ANKRD36C: variants seen among roughly 807,000 people sequenced by gnomAD.
The protein encoded by ANKRD36C is ankyrin repeat domain 36C, also known as ankyrin repeat domain-containing protein 36C.
ANKRD36C carries 61 observed loss-of-function variants against 276.4 expected under a neutral mutation model. The ratio of observed to expected loss-of-function variants is 0.22; its 90% CI spans 0.18 to 0.27. The LOEUF is 0.27. Ranked by LOEUF, ANKRD36C falls within the 10% of genes least tolerant of loss-of-function variation. ANKRD36C has a pLI of 1.00. For synonymous variants in ANKRD36C, 483 were observed against 680.1 expected (o/e 0.71, Z 4.51); for missense variants, 1,447 against 2,032.3 (o/e 0.71, Z 5.54).
chr2:95,928,964 T>C, intron 26 of ANKRD36C, 108 bp downstream of exon 26: 1 of 1,531,808 alleles, frequency 6.5e-7, no homozygotes, highest in Non-Finnish European at 8.8e-7. Flanking sequence ...TCAGGCATAC[T>C]GAATCAGAAC....
intron 60 of ANKRD36C, among the ~76,000 whole-genome samples, chr2:95,867,033 C>T (rs1373502524): frequency 1.3e-5 from 2 of 152,110 alleles, no homozygotes; most frequent in Admixed American, 6.6e-5. Context: ...AAGCAGGTAA[C>T]ATGATCAGGT....
chr2:95,987,203 G>T (rs942548316), exon 2 of ANKRD36C: 1 of 1,542,056 alleles, frequency 6.5e-7, no homozygotes, highest in East Asian at 2.4e-5. Context: ...AATGTAGGGC[G>T]GTCCTGTGAG....
intron 3 of ANKRD36C, among the ~76,000 whole-genome samples, chr2:95,983,762 G>A (rs1403757347): frequency 1.3e-5 from 2 of 151,454 alleles, no homozygotes; most frequent in African/African-American, 4.9e-5. Context: ...GACTACAGGC[G>A]TGTGCCACCA....
chr2:95,951,502 A>G, intron 14 of ANKRD36C, 94 bp from the exon 15 acceptor site: 1 of 964,282 alleles, frequency 1.0e-6, no homozygotes, highest in Non-Finnish European at 1.5e-6. Flanking sequence ...CAGGAAAAGT[A>G]TGGACATTGA....
At chr2:95,964,005 ATATATATATGTGTGTG>A (rs1171448629) in intron 6 of ANKRD36C, among the ~76,000 whole-genome samples, 16 of 37,450 alleles carry the variant, frequency 4.3e-4, no homozygotes, top group Middle Eastern at 8.1e-3. Context: ...ATATATATAT[ATATATATATGTGTGTG>A]TGTGTCATGA....
At chr2:95,874,426 G>A (rs1014112503) in intron 59 of ANKRD36C, among the ~76,000 whole-genome samples, 20 of 152,134 alleles carry the variant, frequency 1.3e-4, no homozygotes, top group Non-Finnish European at 1.3e-4. Context: ...CAAGCAACGG[G>A]GAAAGGATTC....
chr2:95,912,188 G>C (rs961354357), intron 42 of ANKRD36C, 56 bp downstream of exon 44: 2 of 1,537,928 alleles, frequency 1.3e-6, no homozygotes, highest in African/African-American at 2.8e-5. Flanking sequence ...TTTATTCGGG[G>C]AAGAGAACTT....
In ANKRD36C at chr2:95,902,879, A is replaced by G; in HGVS notation, c.2654-3543T>C. On this transcript the variant is annotated intron_variant, in intron 42 of 66. Coordinates refer to ENST00000456556, the Ensembl canonical transcript of ANKRD36C. ...GAACATGACATTAAATCTCTTTTCA[A>G]AATTACCTCTCCTAGTTTTTTCTCC... is the stretch of plus-strand genomic sequence containing the variant. 1 of 1,567,476 alleles carries G rather than the reference A, an allele frequency of 6.4e-7. No individual in the cohort carries two copies. The highest frequency in any genetic ancestry group is 8.7e-7 in the Non-Finnish European group (1 of 1,153,738).
intron 3 of ANKRD36C, among the ~76,000 whole-genome samples, chr2:95,982,582 T>G (rs1450453342): frequency 8.5e-6 from 1 of 117,440 alleles, no homozygotes; most frequent in Non-Finnish European, 1.7e-5. Context: ...TCTCCAAAAC[T>G]CACTTCAAAC....
chr2:95,967,647 C>T (rs947990167), intron 6 of ANKRD36C, among the ~76,000 whole-genome samples: 4 of 151,830 alleles, frequency 2.6e-5, no homozygotes, highest in Non-Finnish European at 2.9e-5. Flanking sequence ...GGCATATACT[C>T]GGTGTGTGTG....
intron 22 of ANKRD36C, among the ~76,000 whole-genome samples, chr2:95,937,434 A>C (rs1451882420): frequency 3.3e-5 from 5 of 151,368 alleles, no homozygotes; most frequent in African/African-American, 1.2e-4. Flanking sequence ...AAATATATAA[A>C]ACAGAAAGAT....
intron 36 of ANKRD36C, among the ~76,000 whole-genome samples, chr2:95,917,360 T>C (rs1191493949): frequency 6.6e-6 from 1 of 151,572 alleles, no homozygotes; most frequent in East Asian, 2.0e-4. Flanking sequence ...ATAACTTCTT[T>C]TCCCTCCTTC....
chr2:95,856,107 C>G, exon 63 of ANKRD36C: 4 of 1,607,406 alleles, frequency 2.5e-6, no homozygotes, highest in Non-Finnish European at 3.4e-6. Context: ...TTTTTCCAGC[C>G]TGAGCCTGGC....
intron 38 of ANKRD36C, 140 bp from the exon 41 acceptor site, chr2:95,914,443 G>T: frequency 1.8e-6 from 2 of 1,134,744 alleles, no homozygotes; most frequent in Non-Finnish European, 2.6e-6. Context: ...TGTGTCTGGG[G>T]ACTAGAACAT....
intron 54 of ANKRD36C, among the ~76,000 whole-genome samples, chr2:95,883,918 C>A (rs934585546): frequency 6.6e-6 from 1 of 151,940 alleles, no homozygotes; most frequent in Admixed American, 6.6e-5. Context: ...GTACCCTGAG[C>A]CCCTTGTGTC....
intron 42 of ANKRD36C, 37 bp from the exon 54 acceptor site, chr2:95,902,995 A>G: frequency 6.4e-7 from 1 of 1,573,638 alleles, no homozygotes; most frequent in African/African-American, 1.4e-5. Context: ...AAATTAATAA[A>G]GTATGCTTCA....
chr2:95,979,729 T>C (rs1194864312), intron 5 of ANKRD36C, among the ~76,000 whole-genome samples: 1 of 151,982 alleles, frequency 6.6e-6, no homozygotes, highest in Non-Finnish European at 1.5e-5. Flanking sequence ...TATTTGAATA[T>C]CTGTGACAGT....
intron 19 of ANKRD36C, among the ~76,000 whole-genome samples, chr2:95,941,640 AAGTGG>A (rs1677894467): frequency 6.6e-6 from 1 of 152,298 alleles, no homozygotes; most frequent in Non-Finnish European, 1.5e-5. Flanking sequence ...CAGACAGAGA[AAGTGG>A]AGTGGAGAGA....
At chr2:95,963,534 T>C (rs1245026437) in intron 6 of ANKRD36C, among the ~76,000 whole-genome samples, 1 of 138,482 alleles carries the variant, frequency 7.2e-6, no homozygotes, top group Non-Finnish European at 1.6e-5. Flanking sequence ...ATAACTAATA[T>C]CAACAAAATC....
Sources: allele counts gnomAD v4.1 joint callset (sites outside exome capture counted in the v4.1 genomes callset), GRCh38; gene constraint gnomAD v4.1.1; transcripts MANE v1.5; gene names NCBI Gene and HGNC (gene_info 2026-07-23, HGNC 2026-07-21).